Variants in GPHN observed in about 807,000 individuals in gnomAD.
GPHN encodes gephyrin.
In GPHN, 17 loss-of-function variants were observed where a neutral mutation model predicts 95.5. The ratio of observed to expected loss-of-function variants is 0.18; its 90% CI spans 0.12 to 0.27. The LOEUF is 0.27. Among genes scored for constraint, GPHN ranks in the 10% least tolerant of loss-of-function variants. GPHN has a pLI of 1.00. For synonymous variants in GPHN, 320 were observed against 322.5 expected (o/e 0.99, Z 0.08); for missense variants, 660 against 978.1 (o/e 0.67, Z 4.34).
At chr14:66,866,665 T>C (rs1033012151) in intron 4 of GPHN, among the ~76,000 whole-genome samples, 1 of 152,222 alleles carries the variant, frequency 6.6e-6, no homozygotes, top group East Asian at 1.9e-4. Flanking sequence ...AGATTTTTCA[T>C]AGTTAAAGTG....
chr14:67,209,985 A>G, the GPHN span, among the ~76,000 whole-genome samples: 1 of 152,138 alleles, frequency 6.6e-6, no homozygotes, highest in Admixed American at 6.5e-5. Flanking sequence ...CTCACTAATA[A>G]TTAAAGAAAT....
chr14:66,685,839 G>A (rs2067318189), intron 2 of GPHN, among the ~76,000 whole-genome samples: 1 of 152,124 alleles, frequency 6.6e-6, no homozygotes, highest in African/African-American at 2.4e-5. Flanking sequence ...TGTCCTGAAT[G>A]GTATTGCCTA....
At chr14:66,714,805 C>A (rs1328090669) in intron 2 of GPHN, among the ~76,000 whole-genome samples, 1 of 151,900 alleles carries the variant, frequency 6.6e-6, no homozygotes. Flanking sequence ...TTAAACCATC[C>A]CTGCATCCCT....
Position 66,882,788 on chromosome 14 carries a change from A to G in GPHN, c.389+2755A>G, listed in dbSNP as rs1258715950. Reference sequence around the variant, plus strand: ...TTCATTAGGAAATGTCTTTATTTCCATATTACTCCTGAAGGATATTTTCAC... The same window carrying G: ...TTCATTAGGAAATGTCTTTATTTCCGTATTACTCCTGAAGGATATTTTCAC... On this transcript the variant is annotated intron_variant, in intron 5 of 22. Coordinates refer to ENST00000478722, the MANE Select transcript of GPHN (RefSeq NM_020806.5). Among the ~76,000 whole-genome samples, 3 of 151,242 alleles carry G rather than the reference A, an allele frequency of 2.0e-5. No individual in the cohort carries two copies. The East Asian group carries it at 5.8e-4, about 29-fold the overall frequency.
rs940755488 is a variant in GPHN, at chr14:67,110,257, G to A, written c.1411G>A (p.Asp471Asn). The A allele has an allele frequency of 1.2e-6, 2 of 1,613,492 alleles. No individual in the cohort carries two copies. The highest frequency in any genetic ancestry group is 1.3e-5 in the African/African-American group (1 of 74,908). ...EDTELIRESD[D>N]GTEELEVRIL... ...TACCGAACTTATCAGGGAATCAGATGATGTACGTCATCACCAAGTCTTACT... is the reference window on the plus strand; with the variant it reads ...TACCGAACTTATCAGGGAATCAGATAATGTACGTCATCACCAAGTCTTACT... The change falls in exon 14 of 23, where the codon GAT becomes AAT. Residue 471 changes from aspartate (D) to asparagine (N), a missense_variant and splice_region_variant. By Grantham distance (23) the Asp-to-Asn change is conservative. Around this residue, in one of 6 missense-constraint regions of GPHN, gnomAD observed 257 missense variants for 376.2 expected, o/e 0.68. Transcript: ENST00000478722.
At chr14:66,654,985 A>C (rs189607500) in intron 1 of GPHN, among the ~76,000 whole-genome samples, 26 of 152,156 alleles carry the variant, frequency 1.7e-4, no homozygotes, top group Admixed American at 3.3e-4. Context: ...TTATATGTTT[A>C]TCTTTCTGGC....
At chr14:66,882,253 A>T (rs1482540170) in intron 5 of GPHN, among the ~76,000 whole-genome samples, 1 of 151,824 alleles carries the variant, frequency 6.6e-6, no homozygotes, top group African/African-American at 2.4e-5. Context: ...ATTCTGACAC[A>T]TAGTAAGTAC....
intron 4 of GPHN, among the ~76,000 whole-genome samples, chr14:66,863,838 A>G (rs960949728): frequency 1.3e-5 from 2 of 152,194 alleles, no homozygotes; most frequent in Admixed American, 1.3e-4. Context: ...AAAAACTTAA[A>G]TCTAAGACCT....
the GPHN span, among the ~76,000 whole-genome samples, chr14:67,508,758 A>AAAAAAAAAAAAAAAAAAAC: frequency 6.7e-6 from 1 of 149,344 alleles, no homozygotes; most frequent in Non-Finnish European, 1.5e-5. Flanking sequence ...TGTCTCAAAA[A>AAAAAAAAAAAAAAAAAAAC]AAAAAAAAAA....
chr14:66,855,465 TG>T (rs1259778926), intron 4 of GPHN, among the ~76,000 whole-genome samples: 1 of 152,222 alleles, frequency 6.6e-6, no homozygotes, highest in Non-Finnish European at 1.5e-5. Context: ...AGAACTTTAT[TG>T]CTTTTTATGC....
chr14:66,894,158 A>C (rs2064689715), intron 5 of GPHN, among the ~76,000 whole-genome samples: 1 of 152,312 alleles, frequency 6.6e-6, no homozygotes, highest in African/African-American at 2.4e-5. Context: ...TGGTACCAAA[A>C]CAGAGATATA....
At chr14:67,258,301 A>G in the GPHN span, among the ~76,000 whole-genome samples, 1 of 152,168 alleles carries the variant, frequency 6.6e-6, no homozygotes, top group Non-Finnish European at 1.5e-5. Context: ...TTGGGATCCC[A>G]AGGCAGGTGG....
chr14:67,264,759 A>T, the GPHN span, among the ~76,000 whole-genome samples: 1 of 152,160 alleles, frequency 6.6e-6, no homozygotes. Flanking sequence ...GCCTAGAATC[A>T]TGGGGTGAGA....
At chr14:67,246,649 G>GT in the GPHN span, among the ~76,000 whole-genome samples, 69,447 of 112,212 alleles carry the variant, frequency 0.62, 23,068 homozygotes, top group East Asian at 0.8. Context: ...CCTACTATAG[G>GT]TTTTTTTTTT....
At chr14:67,314,510 A>G in the GPHN span, among the ~76,000 whole-genome samples, 5 of 152,158 alleles carry the variant, frequency 3.3e-5, no homozygotes, top group South Asian at 1.0e-3. Flanking sequence ...TGATGCTAAA[A>G]CCCGTGATTC....
chr14:67,212,606 TATATATATGTA>T, the GPHN span, among the ~76,000 whole-genome samples: 25 of 136,162 alleles, frequency 1.8e-4, no homozygotes, highest in Admixed American at 1.8e-3. Flanking sequence ...AAAATATATA[TATATATATGTA>T]ATATATATTA....
At position 66,508,539 on chromosome 14, in the gene GPHN, G is replaced by A; in HGVS notation, c.12G>A (p.Glu4=). The A allele has an allele frequency of 6.2e-7, 1 of 1,614,108 alleles. No individual in the cohort carries two copies. The highest frequency in any genetic ancestry group is 8.5e-7 in the Non-Finnish European group (1 of 1,179,926). The part of the protein sequence containing the change: MAT[E]GMILTNHDHQ... ...CTGCGCTGGGAAACATGGCGACCGAGGGAATGATCCTTACTAACCACGACC... is the reference window on the plus strand; with the variant it reads ...CTGCGCTGGGAAACATGGCGACCGAAGGAATGATCCTTACTAACCACGACC... Residue 4 remains glutamate, a synonymous_variant, in exon 1 of 23, where the codon GAG becomes GAA. Coordinates refer to ENST00000478722, the MANE Select transcript of GPHN (RefSeq NM_020806.5).
intron 1 of GPHN, among the ~76,000 whole-genome samples, chr14:66,550,692 T>G (rs1172324224): frequency 6.6e-6 from 1 of 152,180 alleles, no homozygotes; most frequent in Non-Finnish European, 1.5e-5. Context: ...CATTGTGGTT[T>G]TATTTTAAGA....
chr14:67,594,489 A>C, the GPHN span, among the ~76,000 whole-genome samples: 1 of 151,936 alleles, frequency 6.6e-6, no homozygotes, highest in African/African-American at 2.4e-5. Flanking sequence ...ACTACTAAAA[A>C]TACAAAAAGT....
Sources: gnomAD v4.1 joint callset for allele counts (sites outside exome capture counted in the v4.1 genomes callset) on GRCh38, gnomAD v4.1.1 for gene constraint, gnomAD v4.1.1 regional missense constraint, MANE v1.5 for transcripts, NCBI Gene and HGNC (gene_info 2026-07-23, HGNC 2026-07-21) for gene names.